The following CWC27 variants were observed in gnomAD, a reference collection of about 807,000 sequenced individuals.
CWC27 encodes the protein CWC27 spliceosome associated cyclophilin, also known as spliceosome-associated protein CWC27 homolog.
In CWC27, 47 loss-of-function variants were observed where a neutral mutation model predicts 63.6. The observed-to-expected ratio is 0.74, with a 90% CI of 0.58 to 0.94. The LOEUF (loss-of-function observed/expected upper bound fraction) is 0.94. Among genes scored for constraint, CWC27 ranks in the 40% least tolerant of loss-of-function variants. CWC27 has a pLI of 0.00. For synonymous variants in CWC27, 175 were observed against 179.8 expected, an observed-to-expected ratio of 0.97 and a Z score of 0.22; for missense variants, 495 against 554.3, an observed-to-expected ratio of 0.89 and a Z score of 1.07.
intron 1 of CWC27, 72 bp downstream of exon 1, chr5:64,769,260 AG>A: frequency 7.2e-7 from 1 of 1,382,950 alleles, no homozygotes; most frequent in South Asian, 1.2e-5. Flanking sequence ...TGGGGTGGGG[AG>A]TGGGTTTCAG....
At chr5:64,907,757 T>A (rs1421728216) in intron 11 of CWC27, among the ~76,000 whole-genome samples, 2 of 152,228 alleles carry the variant, frequency 1.3e-5, no homozygotes, top group African/African-American at 2.4e-5. Context: ...TCAAAGGGAA[T>A]GCTTCCAGTT....
At chr5:64,889,637 A>T (rs1267300129) in intron 11 of CWC27, among the ~76,000 whole-genome samples, 1 of 152,138 alleles carries the variant, frequency 6.6e-6, no homozygotes, top group Non-Finnish European at 1.5e-5. Flanking sequence ...TCATAAAAGC[A>T]AATTGAGGCC....
At chr5:64,859,871 C>T (rs16893193) in intron 10 of CWC27, among the ~76,000 whole-genome samples, 6 of 151,960 alleles carry the variant, frequency 3.9e-5, no homozygotes, top group East Asian at 1.9e-4. Context: ...TTCCAGAGAA[C>T]ATGAAAGTTT....
intron 13 of CWC27, among the ~76,000 whole-genome samples, chr5:65,008,947 T>G (rs893979850): frequency 3.3e-5 from 5 of 152,050 alleles, no homozygotes; most frequent in Non-Finnish European, 7.4e-5. Flanking sequence ...GGTATGTAGT[T>G]GTCTATGCCC....
chr5:64,982,282 A>G (rs1240852283), intron 13 of CWC27, among the ~76,000 whole-genome samples: 1 of 152,150 alleles, frequency 6.6e-6, no homozygotes, highest in Non-Finnish European at 1.5e-5. Flanking sequence ...ATTTGTGTAT[A>G]TAGTTTAATC....
At chr5:64,877,417 G>A (rs1415158394) in intron 10 of CWC27, among the ~76,000 whole-genome samples, 2 of 151,974 alleles carry the variant, frequency 1.3e-5, no homozygotes, top group African/African-American at 4.8e-5. Flanking sequence ...CTGGGTTTGT[G>A]TGTTGGGGGG....
chr5:64,831,549 T>C (rs1745521345), intron 10 of CWC27, among the ~76,000 whole-genome samples: 1 of 151,902 alleles, frequency 6.6e-6, no homozygotes, highest in Non-Finnish European at 1.5e-5. Flanking sequence ...TAGATATAGA[T>C]ATTTACTTTA....
intron 10 of CWC27, among the ~76,000 whole-genome samples, chr5:64,868,410 A>T (rs1746582783): frequency 6.6e-6 from 1 of 152,090 alleles, no homozygotes; most frequent in Non-Finnish European, 1.5e-5. Flanking sequence ...TAAAGTAACT[A>T]ATTCTGTTTA....
At chr5:64,970,353 C>T (rs1337763922) in intron 11 of CWC27, among the ~76,000 whole-genome samples, 2 of 151,968 alleles carry the variant, frequency 1.3e-5, no homozygotes, top group East Asian at 1.9e-4. Context: ...GCTGGGACTA[C>T]AGGCGCCCGC....
intron 11 of CWC27, among the ~76,000 whole-genome samples, chr5:64,940,428 C>T (rs1469642355): frequency 6.6e-6 from 1 of 152,182 alleles, no homozygotes; most frequent in Admixed American, 6.5e-5. Context: ...TCGGCTCACC[C>T]TCCGTGGGCT....
chr5:64,961,850 C>T (rs1748917449), intron 11 of CWC27, among the ~76,000 whole-genome samples: 1 of 152,106 alleles, frequency 6.6e-6, no homozygotes, highest in South Asian at 2.1e-4. Flanking sequence ...ATCAAAACAC[C>T]CTAGCATAGT....
intron 10 of CWC27, among the ~76,000 whole-genome samples, chr5:64,858,354 C>G (rs1746311649): frequency 6.7e-6 from 1 of 148,986 alleles, no homozygotes; most frequent in African/African-American, 2.5e-5. Context: ...CCCAGCTACT[C>G]GGGAGGCTGA....
intron 10 of CWC27, among the ~76,000 whole-genome samples, chr5:64,853,232 T>C (rs1746178661): frequency 6.6e-6 from 1 of 152,204 alleles, no homozygotes; most frequent in African/African-American, 2.4e-5. Context: ...TGGACAGTTT[T>C]ATTTGTGGGT....
intron 13 of CWC27, among the ~76,000 whole-genome samples, chr5:64,986,790 T>A (rs575546731): frequency 9.9e-5 from 15 of 152,186 alleles, no homozygotes; most frequent in Non-Finnish European, 2.1e-4. Context: ...TACCAGTTTA[T>A]GGCTCCAGTA....
chr5:64,825,571 G>T (rs2112254356), intron 10 of CWC27, among the ~76,000 whole-genome samples: 2 of 151,838 alleles, frequency 1.3e-5, no homozygotes, highest in East Asian at 3.9e-4. Context: ...TTTTCTTCTT[G>T]TCTGTTTTGG....
chr5:64,944,234 T>C (rs926864402), intron 11 of CWC27, among the ~76,000 whole-genome samples: 2 of 152,084 alleles, frequency 1.3e-5, no homozygotes, highest in African/African-American at 4.8e-5. Context: ...TACTGTCCTT[T>C]AGCTCTGCTT....
chr5:64,937,921 C>CTTTTTTTTTTTTTTTTTT (rs1211082437), intron 11 of CWC27, among the ~76,000 whole-genome samples: 17 of 99,300 alleles, frequency 1.7e-4, no homozygotes, highest in African/African-American at 7.5e-4. Flanking sequence ...GCAATCTCTG[C>CTTTTTTTTTTTTTTTTTT]TTTTTTTTTT....
chr5:64,811,100 A>G (rs1167046550), intron 10 of CWC27, among the ~76,000 whole-genome samples: 7 of 152,104 alleles, frequency 4.6e-5, no homozygotes, highest in African/African-American at 1.4e-4. Context: ...AGCCATAAGA[A>G]ATTTTTAAAA....
At chr5:64,819,771 AG>A (rs1455683901) in intron 10 of CWC27, among the ~76,000 whole-genome samples, 1 of 152,194 alleles carries the variant, frequency 6.6e-6, no homozygotes, top group Non-Finnish European at 1.5e-5. Flanking sequence ...CACCTATTAT[AG>A]TACTTAAGCA....
Sources: gnomAD v4.1 joint callset for allele counts (sites outside exome capture counted in the v4.1 genomes callset) on GRCh38, gnomAD v4.1.1 for gene constraint, MANE v1.5 for transcripts, NCBI Gene and HGNC (gene_info 2026-07-23, HGNC 2026-07-21) for gene names.